The following HACD3 variants were observed in gnomAD, a reference collection of about 807,000 sequenced individuals.
HACD3 encodes the protein very-long-chain (3R)-3-hydroxyacyl-CoA dehydratase 3.
A neutral mutation model predicts 55.2 loss-of-function variants in HACD3; 30 were observed. The ratio of observed to expected loss-of-function variants is 0.54; its 90% confidence interval spans 0.41 to 0.74. The LOEUF (loss-of-function observed/expected upper bound fraction) is 0.74, where lower values mean the gene tolerates loss of function less well. Ranked by LOEUF, HACD3 falls within the 30% of genes least tolerant of loss-of-function variation. The pLI is 0.00. For missense variants in HACD3, 363 were observed against 440.1 expected, an observed-to-expected ratio of 0.82 and a Z score of 1.57; for synonymous variants, 141 against 151.7, an observed-to-expected ratio of 0.93 and a Z score of 0.52.
chr15:65,566,872 G>C (rs186664710), intron 7 of HACD3: 24 of 152,238 alleles, frequency 1.6e-4, no homozygotes, highest in Non-Finnish European at 4.4e-5. Context: ...AAGTTATAAA[G>C]AGCTTTAAGA....
chr15:65,559,864 ATT>A (rs758588266), intron 5 of HACD3, among the ~76,000 whole-genome samples: 10 of 152,068 alleles, frequency 6.6e-5, no homozygotes, highest in Non-Finnish European at 1.0e-4. Flanking sequence ...TAATATATGG[ATT>A]TTTTGGGTGT....
rs1395598647 is a variant in HACD3 at position 65,531,940 on chromosome 15, C to G, written c.87+1222C>G. ...ATCTATGGCACTTTGTCATCTCTTTCACTCCATTTAACTCTCTCTGCCTCT... is the reference window on the plus strand; with the variant it reads ...ATCTATGGCACTTTGTCATCTCTTTGACTCCATTTAACTCTCTCTGCCTCT... On this transcript the variant is annotated intron_variant, in intron 1 of 10. Transcript: ENST00000261875. Among the ~76,000 whole-genome samples, 3 of 152,098 alleles carry G rather than the reference C, an allele frequency of 2.0e-5. No homozygotes were observed. In the East Asian group the frequency reaches 5.8e-4, roughly 29 times the overall value.
At chr15:65,551,887 C>A in intron 2 of HACD3, 169 bp downstream of exon 2, 6 of 612,118 alleles carry the variant, frequency 9.8e-6, no homozygotes, top group South Asian at 3.3e-5. Flanking sequence ...TTAGAAAAGT[C>A]AAAGAATTGG....
intron 10 of HACD3, among the ~76,000 whole-genome samples, chr15:65,574,882 G>C (rs955935236): frequency 1.2e-4 from 19 of 152,032 alleles, no homozygotes; most frequent in Non-Finnish European, 2.6e-4. Flanking sequence ...AGTATAACTA[G>C]GCCCCATGAA....
In HACD3 at chr15:65,549,315, C is replaced by T. The variant is rs546178882; in HGVS notation, c.88-2361C>T. Among the ~76,000 whole-genome samples the T allele has an allele frequency of 1.0e-4, 15 of 149,824 alleles. No individual in the cohort carries two copies. The East Asian group carries it at 1.4e-3, about 14-fold the overall frequency. ...AAGTAAGGTCAAACCCAGCCTGGTG[C>T]GGTGGCTCACAGCTGTAGTCCCAGC... is the stretch of plus-strand genomic sequence containing the variant. On this transcript the variant is annotated intron_variant, in intron 1 of 10. Transcript: ENST00000261875.
At position 65,577,514 on chromosome 15, in the gene HACD3, A is replaced by G. The variant is rs1051890958; in HGVS notation, c.*1135A>G. 1 of 152,458 alleles carries G rather than the reference A, an allele frequency of 6.6e-6. No individual in the cohort carries two copies. The highest frequency in any genetic ancestry group is 6.5e-5 in the Admixed American group (1 of 15,286). 9.4% of individuals were successfully genotyped at this position (152,458 alleles called of 1,614,324 possible). On this transcript the variant is annotated 3_prime_UTR_variant, in exon 11 of 11. Transcript: ENST00000261875. ...AGCAGGGATCCAAAGGGAACACAGTATGTAGGTCAAACTGGCAGTAACAGT... is the reference window on the plus strand; with the variant it reads ...AGCAGGGATCCAAAGGGAACACAGTGTGTAGGTCAAACTGGCAGTAACAGT...
At chr15:65,533,744 T>TAAA (rs11383716) in intron 1 of HACD3, among the ~76,000 whole-genome samples, 1 of 141,172 alleles carries the variant, frequency 7.1e-6, no homozygotes, top group Non-Finnish European at 1.5e-5. Context: ...ATTTGTTATT[T>TAAA]AAAAAAAAAA....
At chr15:65,550,174 G>A (rs777716622) in intron 1 of HACD3, among the ~76,000 whole-genome samples, 7 of 152,132 alleles carry the variant, frequency 4.6e-5, no homozygotes, top group African/African-American at 7.2e-5. Context: ...GATCACCTGA[G>A]GTCAGGAGTT....
At position 65,577,458 on chromosome 15, in the gene HACD3, T is replaced by TACACACACAC. The variant is rs10645266; in HGVS notation, c.*1086_*1095dup. On this transcript the variant is annotated 3_prime_UTR_variant, in exon 11 of 11. Transcript: ENST00000261875. ...CAAACCACACACACACAAACACACA[T>TACACACACAC]ACACACACACACACACGAGGTCCAA... 7.3e-5 allele frequency: 11 copies of TACACACACAC among 150,330 alleles called. No homozygotes were observed. Among genetic ancestry groups the TACACACACAC allele is most frequent in the African/African-American group, 2.7e-4 (11 of 40,846 alleles). 9.3% of individuals were successfully genotyped at this position (150,330 alleles called of 1,614,324 possible). A position where few individuals can be genotyped will look rare whatever the true frequency, so the allele number is the denominator to read the frequency against.
At chr15:65,570,312 G>T (rs2072335792) in intron 8 of HACD3, 109 bp downstream of exon 8, 11 of 784,286 alleles carry the variant, frequency 1.4e-5, no homozygotes, top group Non-Finnish European at 1.6e-5. Context: ...TTGGGACTAA[G>T]ATTACATATG....
At chr15:65,545,150 A>G (rs1182878270) in intron 1 of HACD3, among the ~76,000 whole-genome samples, 1 of 152,132 alleles carries the variant, frequency 6.6e-6, no homozygotes, top group East Asian at 1.9e-4. Flanking sequence ...GGCAGATTAC[A>G]TTATTAGGTA....
At chr15:65,551,828 C>G in intron 2 of HACD3, 110 bp downstream of exon 2, 1 of 1,239,444 alleles carries the variant, frequency 8.1e-7, no homozygotes, top group Non-Finnish European at 1.2e-6. Flanking sequence ...TGCTGATGTT[C>G]ACGCCTCTGA....
rs2072402568 is a variant in HACD3, at chr15:65,576,489, CAGTG to C, written c.*113_*116del. On this transcript the variant is annotated 3_prime_UTR_variant, in exon 11 of 11. Transcript: ENST00000261875. ...TTTTAATGTTAAATGATTAAATTCT[CAGTG>C]AGGCTATCTTCCTTTTCCCCAGTAA... is the stretch of plus-strand genomic sequence containing the variant. The C allele has an allele frequency of 2.6e-6, 3 of 1,140,524 alleles. No homozygotes were observed. Among genetic ancestry groups the C allele is most frequent in the Non-Finnish European group, 3.7e-6 (3 of 816,482 alleles). The allele number at this position is 1,140,524 out of a possible 1,614,324, so 70.7% of individuals were successfully genotyped here.
At chr15:65,539,315 G>A (rs2071995807) in intron 1 of HACD3, among the ~76,000 whole-genome samples, 2 of 145,704 alleles carry the variant, frequency 1.4e-5, no homozygotes, top group African/African-American at 2.6e-5. Context: ...CCGCCTCCTG[G>A]GCTCAAGTGA....
chr15:65,549,061 T>C (rs908629949), intron 1 of HACD3, among the ~76,000 whole-genome samples: 1 of 152,194 alleles, frequency 6.6e-6, no homozygotes, highest in Admixed American at 6.5e-5. Flanking sequence ...AGGCACAGTT[T>C]CTTTTCTTGT....
intron 7 of HACD3, among the ~76,000 whole-genome samples, chr15:65,569,889 T>TA (rs1486598038): frequency 1.3e-5 from 2 of 152,212 alleles, no homozygotes; most frequent in Non-Finnish European, 2.9e-5. Context: ...ATGATATAGT[T>TA]ACACAAAATA....
chr15:65,554,984 C>T (rs367637725), intron 3 of HACD3, 24 bp downstream of exon 3: 1 of 1,547,244 alleles, frequency 6.5e-7, no homozygotes, highest in East Asian at 2.2e-5. Context: ...TTTCTCACTT[C>T]CCTTCCCATT....
At position 65,562,772 on chromosome 15, in the gene HACD3, A is replaced by G; in HGVS notation, c.422-2A>G. ...AGCTTACTGCTTTGCTTTGCTTTACAGCTCTTACAAACTTAAGGAAAGGAT... is the reference window on the plus strand; with the variant it reads ...AGCTTACTGCTTTGCTTTGCTTTACGGCTCTTACAAACTTAAGGAAAGGAT... On this transcript the variant is annotated splice_acceptor_variant, in intron 5 of 10. Coordinates refer to ENST00000261875, the MANE Select transcript of HACD3 (RefSeq NM_016395.4). LOFTEE classifies it high-confidence loss of function. 2 of 1,613,480 alleles carry G rather than the reference A, an allele frequency of 1.2e-6. No homozygotes were observed. The highest frequency in any genetic ancestry group is 1.7e-6 in the Non-Finnish European group (2 of 1,179,670).
intron 1 of HACD3, among the ~76,000 whole-genome samples, chr15:65,532,632 C>CAAAA (rs564490649): frequency 1.5e-5 from 1 of 66,554 alleles, no homozygotes; most frequent in Non-Finnish European, 3.1e-5. Flanking sequence ...AACTCTGTCT[C>CAAAA]AAAAAAAAAA....
Sources: allele counts gnomAD v4.1 joint callset (sites outside exome capture counted in the v4.1 genomes callset), GRCh38; gene constraint gnomAD v4.1.1; transcripts MANE v1.5; gene names NCBI Gene and HGNC (gene_info 2026-07-23, HGNC 2026-07-21).